The following GRIP1 variants were observed in gnomAD, a reference collection of about 807,000 sequenced individuals.
GRIP1 encodes the protein glutamate receptor-interacting protein 1.
In GRIP1, 45 loss-of-function variants were observed where a neutral mutation model predicts 129.9. The ratio of observed to expected loss-of-function variants is 0.35; its 90% confidence interval spans 0.27 to 0.44. The LOEUF (loss-of-function observed/expected upper bound fraction) is 0.44, where lower values mean the gene tolerates loss of function less well. GRIP1 is among the 20% of genes least tolerant of loss of function. GRIP1 has a pLI of 1.00. For missense variants in GRIP1, 1,196 were observed against 1,396.8 expected (o/e 0.86, Z 2.29); for synonymous variants, 530 against 520.8 (o/e 1.02, Z -0.24).
intron 2 of GRIP1, among the ~76,000 whole-genome samples, chr12:66,550,929 C>T (rs1167062449): frequency 6.6e-6 from 1 of 152,144 alleles, no homozygotes; most frequent in South Asian, 2.1e-4. Context: ...CTCGGAATCA[C>T]ACTTGCTTCA....
rs1035722633 is a variant in GRIP1 at position 66,919,255 on chromosome 12, T to C, written c.58+149795A>G. Among the ~76,000 whole-genome samples, 5 of 152,072 alleles carry C rather than the reference T, an allele frequency of 3.3e-5. No homozygotes were observed. In the East Asian group the frequency reaches 5.8e-4, roughly 18 times the overall value. ...GCATGGGACCTGTCCTTCTTTAGGGTTGGGAAAGAGGGAGGGTGTTCACCT... is the reference window on the plus strand; with the variant it reads ...GCATGGGACCTGTCCTTCTTTAGGGCTGGGAAAGAGGGAGGGTGTTCACCT... On this transcript the variant is annotated intron_variant, in intron 1 of 1. Coordinates refer to the GRIP1 transcript ENST00000643019.
At chr12:66,561,290 G>C (rs2062517854) in intron 2 of GRIP1, among the ~76,000 whole-genome samples, 1 of 152,100 alleles carries the variant, frequency 6.6e-6, no homozygotes, top group South Asian at 2.1e-4. Context: ...GGTGACTATA[G>C]TCGATAATAA....
intron 7 of GRIP1, among the ~76,000 whole-genome samples, chr12:66,483,380 G>A (rs918959795): frequency 2.0e-5 from 3 of 151,982 alleles, no homozygotes; most frequent in Non-Finnish European, 4.4e-5. Context: ...TCACCTAAAA[G>A]TGCACCTTCC....
At chr12:66,716,490 C>CTTT (rs563110134) in intron 1 of GRIP1, among the ~76,000 whole-genome samples, 1 of 139,244 alleles carries the variant, frequency 7.2e-6, no homozygotes, top group Admixed American at 7.1e-5. Context: ...CTTTAGGTTT[C>CTTT]TTTTTTTTTT....
intron 1 of GRIP1, among the ~76,000 whole-genome samples, chr12:66,937,354 G>C (rs536998841): frequency 6.6e-6 from 1 of 152,224 alleles, no homozygotes; most frequent in Non-Finnish European, 1.5e-5. Context: ...TGCTCCGCCA[G>C]TAGAACGTAA....
At chr12:66,695,323 A>T (rs2035119644) in intron 1 of GRIP1, among the ~76,000 whole-genome samples, 1 of 152,050 alleles carries the variant, frequency 6.6e-6, no homozygotes, top group Non-Finnish European at 1.5e-5. Flanking sequence ...ACCAGGTGGC[A>T]AATTCTTCCC....
intron 1 of GRIP1, among the ~76,000 whole-genome samples, chr12:66,785,514 A>G (rs2038312317): frequency 6.6e-6 from 1 of 151,454 alleles, no homozygotes; most frequent in Non-Finnish European, 1.5e-5. Context: ...CCTGTCTCAA[A>G]AAGAAAAAGG....
At chr12:67,043,562 G>T (rs897114172) in intron 1 of GRIP1, among the ~76,000 whole-genome samples, 1 of 152,136 alleles carries the variant, frequency 6.6e-6, no homozygotes, top group African/African-American at 2.4e-5. Flanking sequence ...GAGCAAAAGA[G>T]ATAATTAAGT....
At chr12:66,547,006 T>C (rs898886008) in intron 2 of GRIP1, among the ~76,000 whole-genome samples, 2 of 151,964 alleles carry the variant, frequency 1.3e-5, no homozygotes, top group African/African-American at 2.4e-5. Context: ...GCAAACTACA[T>C]ATCCAACAAA....
intron 1 of GRIP1, among the ~76,000 whole-genome samples, chr12:66,642,162 C>A (rs1364448390): frequency 6.6e-6 from 1 of 152,056 alleles, no homozygotes; most frequent in Non-Finnish European, 1.5e-5. Context: ...AGAGAAAACA[C>A]AACAGGAACA....
At chr12:66,879,272 G>GA (rs34754543) in intron 1 of GRIP1, among the ~76,000 whole-genome samples, 78 of 147,572 alleles carry the variant, frequency 5.3e-4, no homozygotes, top group Middle Eastern at 3.5e-3. Context: ...TTGCAAAAAG[G>GA]AAAAAAAAAA....
intron 1 of GRIP1, among the ~76,000 whole-genome samples, chr12:66,671,013 A>C (rs1404554480): frequency 6.6e-6 from 1 of 152,142 alleles, no homozygotes; most frequent in Admixed American, 6.6e-5. Context: ...AACTCAGCTA[A>C]CACAGTAAAG....
rs999102141 is a variant in GRIP1 at position 66,444,694 on chromosome 12, G to A, written c.1577C>T (p.Ala526Val). The A allele has an allele frequency of 6.2e-7, 1 of 1,613,776 alleles. No individual in the cohort carries two copies. Among genetic ancestry groups the A allele is most frequent in the Non-Finnish European group, 8.5e-7 (1 of 1,179,808 alleles). The stretch of plus-strand genomic sequence containing the variant: ...GTCTTCTGTTGGAATTCCATTGATG[G>A]CCATCACTCTGTCTCCAATCTGTAG... ...GVLQIGDRVM[A>V]INGIPTEDST... is the part of the protein sequence containing the mutation. Residue 526 changes from alanine to valine, a missense_variant, in exon 13 of 25, where the codon GCC becomes GTC. Around this residue, in one of 5 missense-constraint regions of GRIP1, gnomAD observed 508 missense variants for 587.0 expected, o/e 0.87. Transcript: ENST00000359742.
chr12:66,654,816 T>C (rs568941297), intron 1 of GRIP1, among the ~76,000 whole-genome samples: 3 of 152,226 alleles, frequency 2.0e-5, no homozygotes, highest in South Asian at 2.1e-4. Context: ...AAGGAACAGA[T>C]TGGGTTAGCC....
chr12:67,054,691 G>C (rs540917891), intron 1 of GRIP1, among the ~76,000 whole-genome samples: 1 of 151,900 alleles, frequency 6.6e-6, no homozygotes, highest in African/African-American at 2.4e-5. Context: ...TTGAACCCGG[G>C]AGGTAGAGGC....
At chr12:66,425,908 C>G (rs527633173) in intron 14 of GRIP1, among the ~76,000 whole-genome samples, 1 of 152,018 alleles carries the variant, frequency 6.6e-6, no homozygotes, top group African/African-American at 2.4e-5. Context: ...ACCAACATGG[C>G]ACATGTATAC....
chr12:66,935,822 CTA>C (rs1257474651), intron 1 of GRIP1, among the ~76,000 whole-genome samples: 2 of 152,152 alleles, frequency 1.3e-5, no homozygotes, highest in Non-Finnish European at 2.9e-5. Flanking sequence ...ATTCAGCAGT[CTA>C]TGAGTGGTTG....
At chr12:66,609,690 CAAAG>C (rs1005693971) in intron 1 of GRIP1, among the ~76,000 whole-genome samples, 1 of 152,110 alleles carries the variant, frequency 6.6e-6, no homozygotes, top group Non-Finnish European at 1.5e-5. Context: ...TTTGGATAAA[CAAAG>C]AAAATGCAAT....
At chr12:66,727,428 T>A (rs965085611) in intron 1 of GRIP1, among the ~76,000 whole-genome samples, 1 of 152,160 alleles carries the variant, frequency 6.6e-6, no homozygotes, top group Admixed American at 6.5e-5. Flanking sequence ...CAGCAGCCAG[T>A]GGAGGAATAT....
Sources: gnomAD v4.1 joint callset for allele counts (sites outside exome capture counted in the v4.1 genomes callset) on GRCh38, gnomAD v4.1.1 for gene constraint, gnomAD v4.1.1 regional missense constraint, MANE v1.5 for transcripts, NCBI Gene and HGNC (gene_info 2026-07-23, HGNC 2026-07-21) for gene names.